Variants in FANCE observed in about 807,000 individuals in gnomAD.
FANCE encodes the protein FA complementation group E.
A neutral mutation model predicts 57.8 loss-of-function variants in FANCE; 42 were observed. The observed-to-expected ratio is 0.73, with a 90% CI of 0.57 to 0.94. FANCE has a LOEUF of 0.94. Ranked by LOEUF, FANCE falls within the 40% of genes least tolerant of loss-of-function variation. FANCE has a pLI of 0.00. For synonymous variants in FANCE, 251 were observed against 286.4 expected, an observed-to-expected ratio of 0.88 and a Z score of 1.25; for missense variants, 608 against 661.8, an observed-to-expected ratio of 0.92 and a Z score of 0.89.
Position 35,462,804 on chromosome 6 carries a change from GAGA to G in FANCE, c.1402_1404del (p.Lys468del), listed in dbSNP as rs1214766418. ...ATGTGTGCAGGTGGAGATGACCCCT[GAGA>G]AGTTCAGTGTCTTAATGGAGAAGCT... On this transcript the variant is annotated inframe_deletion, in exon 9 of 10. Coordinates refer to ENST00000229769, the MANE Select transcript of FANCE (RefSeq NM_021922.3). 5.0e-6 allele frequency: 8 copies of G among 1,614,034 alleles called. No homozygotes were observed. Among genetic ancestry groups the G allele is most frequent in the Non-Finnish European group, 6.8e-6 (8 of 1,180,012 alleles).
At position 35,460,613 on chromosome 6, in the gene FANCE, C is replaced by G. The variant is rs200535245; in HGVS notation, c.1378C>G (p.Arg460Gly). Residue 460 changes from arginine (R) to glycine (G), a missense_variant, in exon 8 of 10, where the codon CGG becomes GGG. By Grantham distance (125) the Arg-to-Gly change is moderately radical. Transcript: ENST00000229769. ...TFLVLQSLLE[R>G]QVEMTPEKFS... Reference sequence around the variant, plus strand: ...CTTGGTGTTGCAGTCACTCCTAGAGCGGCAGGTGAGCAGGCTGCCCTGGGG... The same window carrying G: ...CTTGGTGTTGCAGTCACTCCTAGAGGGGCAGGTGAGCAGGCTGCCCTGGGG... 2.9e-4 allele frequency: 461 copies of G among 1,613,726 alleles called. 2 individuals are homozygous for G. The highest frequency in any genetic ancestry group is 4.2e-6 in the Non-Finnish European group (5 of 1,179,850).
intron 7 of FANCE, 64 bp from the exon 8 acceptor site, chr6:35,460,488 G>T: frequency 6.7e-7 from 1 of 1,494,042 alleles, no homozygotes; most frequent in South Asian, 1.1e-5. Context: ...AGTTGGAGCA[G>T]CAGATAGATA....
At chr6:35,458,683 A>G (rs1013935940) in intron 5 of FANCE, among the ~76,000 whole-genome samples, 2 of 149,668 alleles carry the variant, frequency 1.3e-5, no homozygotes, top group Non-Finnish European at 3.0e-5. Context: ...TCTGTTGCCT[A>G]GGCTGGAGTG....
At position 35,458,380 on chromosome 6, in the gene FANCE, T is replaced by G. The variant is rs755165473; in HGVS notation, c.1053T>G (p.Leu351=). The change falls in exon 5 of 10, where the codon CTT becomes CTG. Residue 351 remains leucine, a synonymous_variant. Coordinates refer to ENST00000229769, the MANE Select transcript of FANCE (RefSeq NM_021922.3). The part of the protein sequence containing the change: ...LLRLCTWLLA[L]SPDLSLSNAT... ...GGCTCTGCACCTGGCTGCTGGCCCT[T>G]TCACCTGATCTCAGCCTCAGCAATG... is the stretch of plus-strand genomic sequence containing the variant. The G allele has an allele frequency of 1.4e-5, 23 of 1,614,084 alleles. No homozygotes were observed. The Admixed American group carries it at 2.0e-4, about 14-fold the overall frequency.
rs140563583 is a variant in FANCE, at chr6:35,455,997, C to T, written c.499C>T (p.Leu167=). The change falls in exon 2 of 10, where the codon CTA becomes TTA. Residue 167 remains leucine (L), a synonymous_variant. Transcript: ENST00000229769. ...AAGATGCCAGAGACAGCTCCAAAGT[C>T]TATGTAGGGGGCTGGGCCTGGGGGG... ...SERCQRQLQS[L]CRGLGLGGRR... 10 of 1,613,050 alleles carry T rather than the reference C, an allele frequency of 6.2e-6. No homozygotes were observed. The African/African-American group carries it at 9.3e-5, about 15-fold the overall frequency.
intron 1 of FANCE, among the ~76,000 whole-genome samples, chr6:35,454,822 C>G (rs900601659): frequency 2.0e-5 from 3 of 152,242 alleles, no homozygotes; most frequent in African/African-American, 7.2e-5. Flanking sequence ...AGTTTCATCT[C>G]TGGGAAGCCT....
In FANCE at chr6:35,458,933, G is replaced by A. The variant is rs9380510; in HGVS notation, c.1114-398G>A. Among the ~76,000 whole-genome samples, 8 of 152,016 alleles carry A rather than the reference G, an allele frequency of 5.3e-5. No homozygotes were observed. In the East Asian group the frequency reaches 9.7e-4, roughly 18 times the overall value. ...GTAGCTGGGACTACAGGCACCCACC[G>A]CCACACCTGGCTAATTTTTGTATTT... On this transcript the variant is annotated intron_variant, in intron 5 of 9. Coordinates refer to ENST00000229769, the MANE Select transcript of FANCE (RefSeq NM_021922.3).
At chr6:35,457,638 C>A in intron 3 of FANCE, 38 bp downstream of exon 3, 1 of 1,609,396 alleles carries the variant, frequency 6.2e-7, no homozygotes, top group South Asian at 1.1e-5. Flanking sequence ...GCCTTTCTTC[C>A]ATCTTCTACC....
At chr6:35,460,922 A>AT (rs67491477) in intron 8 of FANCE, among the ~76,000 whole-genome samples, 191 of 146,500 alleles carry the variant, frequency 1.3e-3, no homozygotes, top group Admixed American at 1.6e-3. Flanking sequence ...ATGTTCACAA[A>AT]TTTTTTTTTT....
At chr6:35,462,063 TAGTC>T (rs1346914820) in intron 8 of FANCE, among the ~76,000 whole-genome samples, 1 of 152,042 alleles carries the variant, frequency 6.6e-6, no homozygotes, top group Non-Finnish European at 1.5e-5. Context: ...TGGTGTAAAG[TAGTC>T]AGAATGGTAC....
chr6:35,460,793 A>G (rs1323485295), intron 8 of FANCE, among the ~76,000 whole-genome samples, 175 bp downstream of exon 8: 2 of 152,192 alleles, frequency 1.3e-5, no homozygotes, highest in Non-Finnish European at 2.9e-5. Flanking sequence ...CTGGTAGCAG[A>G]GAGCTGAGCA....
In FANCE at chr6:35,458,334, T is replaced by A; in HGVS notation, c.1007T>A (p.Leu336His). ...TGTGCCCAGCTGCAGCTCCCTCAGC[T>A]CTCAGACCTCGGTCTCCTGCGGCTC... The part of the protein sequence containing the change: ...LLCAQLQLPQ[L>H]SDLGLLRLCT... Residue 336 changes from leucine to histidine, a missense_variant, in exon 5 of 10, where the codon CTC becomes CAC. Transcript: ENST00000229769. 1 of 1,614,120 alleles carries A rather than the reference T, an allele frequency of 6.2e-7. No individual in the cohort carries two copies. The highest frequency in any genetic ancestry group is 1.3e-5 in the African/African-American group (1 of 75,030).
Position 35,452,629 on chromosome 6 carries a change from C to A in FANCE, c.84C>A (p.Leu28=). 1 of 1,271,824 alleles carries A rather than the reference C, an allele frequency of 7.9e-7. No homozygotes were observed. The allele number at this position is 1,271,824 out of a possible 1,614,324, so 78.8% of individuals were successfully genotyped here. Residue 28 remains leucine (L), a synonymous_variant, in exon 1 of 10, where the codon CTC becomes CTA. Coordinates refer to ENST00000229769, the MANE Select transcript of FANCE (RefSeq NM_021922.3). Reference sequence around the variant, plus strand: ...CGCAGCTGGAGGCCCCCGCCCGCCTCCTGCTGCAGGCGCTGCAGGCGGGGC... The same window carrying A: ...CGCAGCTGGAGGCCCCCGCCCGCCTACTGCTGCAGGCGCTGCAGGCGGGGC... ...PWAQLEAPAR[L]LLQALQAGPE...
intron 1 of FANCE, among the ~76,000 whole-genome samples, chr6:35,453,403 T>C (rs780470952): frequency 5.9e-5 from 9 of 151,432 alleles, no homozygotes; most frequent in African/African-American, 1.4e-4. Context: ...GTTTCTGTTA[T>C]TGATATTATC....
intron 2 of FANCE, 46 bp from the exon 3 acceptor site, chr6:35,457,509 AT>A: frequency 6.2e-7 from 1 of 1,609,448 alleles, no homozygotes; most frequent in Non-Finnish European, 8.5e-7. Context: ...GCTTGGGGTC[AT>A]GCTGCAGGGG....
In FANCE at chr6:35,455,954, A is replaced by C. The variant is rs1237075492; in HGVS notation, c.456A>C (p.Gly152=). Residue 152 remains glycine, a synonymous_variant, in exon 2 of 10, where the codon GGA becomes GGC. Transcript: ENST00000229769. ...RDLGVGTSME[G]ASPLSERCQR... is the part of the protein sequence containing the mutation. ...TGGGGGTGGGGACCTCCATGGAGGG[A>C]GCTTCTCCACTGTCTGAAAGATGCC... 8.1e-6 allele frequency: 13 copies of C among 1,613,790 alleles called. No homozygotes were observed. Among genetic ancestry groups the C allele is most frequent in the African/African-American group, 1.3e-5 (1 of 74,968 alleles).
In FANCE at chr6:35,456,485, G is replaced by GGGTT. The variant is rs1581700589; in HGVS notation, c.855+134_855+137dup. 1 of 1,219,090 alleles carries GGGTT rather than the reference G, an allele frequency of 8.2e-7. No individual in the cohort carries two copies. Among genetic ancestry groups the GGGTT allele is most frequent in the East Asian group, 2.3e-5 (1 of 43,078 alleles). 75.5% of individuals were successfully genotyped at this position (1,219,090 alleles called of 1,614,324 possible). Reference sequence around the variant, plus strand: ...TCCTGGAGGAAGAAGGAGGAAGGTAGGGTTGAGGGAATGTAGCCTCCACTC... The same window carrying GGGTT: ...TCCTGGAGGAAGAAGGAGGAAGGTAGGGTTGGTTGAGGGAATGTAGCCTCCACTC... On this transcript the variant is annotated intron_variant, in intron 2 of 9. Transcript: ENST00000229769. This position sits in a 1 kb window ranked among gnomAD's most constrained non-coding sequence, Gnocchi z 4.3.
In FANCE at chr6:35,466,554, A is replaced by G; in HGVS notation, c.*209A>G. 1.0e-5 allele frequency: 6 copies of G among 574,390 alleles called. No individual in the cohort carries two copies. Among genetic ancestry groups the G allele is most frequent in the South Asian group, 2.0e-5 (1 of 50,508 alleles). The allele number at this position is 574,390 out of a possible 1,614,324, so 35.6% of individuals were successfully genotyped here. On this transcript the variant is annotated 3_prime_UTR_variant, in exon 10 of 10. Coordinates refer to ENST00000229769, the MANE Select transcript of FANCE (RefSeq NM_021922.3). ...GCTCCTGGGCTAAGGGAGCTCAGCT[A>G]TATTTTCTTTTTCATTTCTTTTGTT...
At chr6:35,460,683 T>C in intron 8 of FANCE, 65 bp downstream of exon 8, 1 of 1,479,366 alleles carries the variant, frequency 6.8e-7, no homozygotes, top group South Asian at 1.1e-5. Flanking sequence ...GCACACGGGG[T>C]TCCTGGGTTT....
Sources: gnomAD v4.1 joint callset for allele counts (sites outside exome capture counted in the v4.1 genomes callset) on GRCh38, gnomAD v4.1.1 for gene constraint, Gnocchi (gnomAD v3.1) non-coding constraint, MANE v1.5 for transcripts, NCBI Gene and HGNC (gene_info 2026-07-23, HGNC 2026-07-21) for gene names.